PELI2: variants seen among roughly 807,000 people sequenced by gnomAD.
PELI2 encodes E3 ubiquitin-protein ligase pellino homolog 2.
In PELI2, 23 loss-of-function variants were observed where a neutral mutation model predicts 42.3. That is an observed-to-expected ratio of 0.54 (90% CI 0.39 to 0.77). The LOEUF (loss-of-function observed/expected upper bound fraction) is 0.77. Among genes scored for constraint, PELI2 ranks in the 30% least tolerant of loss-of-function variants. The pLI is 0.00. For missense variants in PELI2, 463 were observed against 553.2 expected, an observed-to-expected ratio of 0.84 and a Z score of 1.64; for synonymous variants, 245 against 212.2, an observed-to-expected ratio of 1.15 and a Z score of -1.34.
chr14:56,282,022 C>T (rs2139878658), intron 3 of PELI2, among the ~76,000 whole-genome samples: 1 of 152,232 alleles, frequency 6.6e-6, no homozygotes, highest in East Asian at 1.9e-4. Flanking sequence ...TAGTTTGACT[C>T]AGCTCTTTTC....
intron 1 of PELI2, chr14:56,144,878 G>A (rs536012430): frequency 2.2e-4 from 140 of 638,048 alleles, no homozygotes; most frequent in Non-Finnish European, 2.7e-4. Flanking sequence ...AGGAATAAAA[G>A]GAATAAGGAT....
At chr14:56,144,627 T>C (rs1421251417) in intron 1 of PELI2, among the ~76,000 whole-genome samples, 1 of 152,220 alleles carries the variant, frequency 6.6e-6, no homozygotes, top group Non-Finnish European at 1.5e-5. Context: ...ACACCTAATA[T>C]ATGCATAATA....
intron 1 of PELI2, among the ~76,000 whole-genome samples, chr14:56,146,854 G>C (rs899483573): frequency 6.6e-6 from 1 of 151,666 alleles, no homozygotes; most frequent in African/African-American, 2.4e-5. Context: ...ACAGTTCAGT[G>C]GTTTAGTAAA....
intron 2 of PELI2, among the ~76,000 whole-genome samples, chr14:56,215,015 A>C (rs1340948152): frequency 7.5e-6 from 1 of 133,910 alleles, no homozygotes; most frequent in Non-Finnish European, 1.7e-5. Flanking sequence ...AATTTCACTT[A>C]ATAGTCACAC....
At chr14:56,281,066 T>C (rs1286178277) in intron 3 of PELI2, among the ~76,000 whole-genome samples, 1 of 152,158 alleles carries the variant, frequency 6.6e-6, no homozygotes. Context: ...GTCCCCCTGG[T>C]GGGACTGTGA....
At chr14:56,293,308 T>C (rs2139904108) in intron 5 of PELI2, among the ~76,000 whole-genome samples, 1 of 152,322 alleles carries the variant, frequency 6.6e-6, no homozygotes, top group Non-Finnish European at 1.5e-5. Flanking sequence ...TGCTCATAGC[T>C]TTTCTTTTGT....
chr14:56,287,706 A>G (rs948531323), intron 3 of PELI2, among the ~76,000 whole-genome samples: 1 of 152,220 alleles, frequency 6.6e-6, no homozygotes, highest in Non-Finnish European at 1.5e-5. Flanking sequence ...TTTTAGAGAG[A>G]TAGTCTGTGC....
intron 4 of PELI2, among the ~76,000 whole-genome samples, chr14:56,289,198 T>TA (rs1427870657): frequency 1.3e-5 from 2 of 152,162 alleles, no homozygotes; most frequent in African/African-American, 4.8e-5. Context: ...CAAAATGATC[T>TA]AAAATCAGTG....
Position 56,273,711 on chromosome 14 carries a change from T to G in PELI2, c.208-5965T>G, listed in dbSNP as rs1216409022. ...ACAGTGGCAAGAGAGGGCTCAGGGG[T>G]GACATGAAGTTTTTAAGTGTGAGTG... On this transcript the variant is annotated intron_variant, in intron 2 of 5. Transcript: ENST00000267460. The surrounding 1 kb of genome is among the most constrained non-coding windows in gnomAD (Gnocchi z 4.3). 1.3e-5 allele frequency among the ~76,000 whole-genome samples: 2 copies of G among 152,108 alleles called. No homozygotes were observed. The highest frequency in any genetic ancestry group is 2.9e-5 in the Non-Finnish European group (2 of 68,010).
intron 1 of PELI2, among the ~76,000 whole-genome samples, chr14:56,139,737 G>A (rs1256595410): frequency 6.6e-6 from 1 of 151,774 alleles, no homozygotes; most frequent in Non-Finnish European, 1.5e-5. Context: ...CTGCTATCCA[G>A]TGAGACTCTA....
At chr14:56,177,977 A>G (rs879685292) in intron 1 of PELI2, among the ~76,000 whole-genome samples, 8 of 152,196 alleles carry the variant, frequency 5.3e-5, no homozygotes, top group Non-Finnish European at 7.3e-5. Context: ...TCTCAAGTGT[A>G]TCTCTGGGGT....
intron 2 of PELI2, among the ~76,000 whole-genome samples, chr14:56,208,050 T>C (rs1886581735): frequency 6.6e-6 from 1 of 152,248 alleles, no homozygotes; most frequent in African/African-American, 2.4e-5. Context: ...CATTGGTGCC[T>C]ACATTCAAAG....
chr14:56,230,422 C>G (rs1368270685), intron 2 of PELI2, among the ~76,000 whole-genome samples: 2 of 152,160 alleles, frequency 1.3e-5, no homozygotes, highest in Non-Finnish European at 2.9e-5. Flanking sequence ...CCCTACAAGC[C>G]AGAAGAGAGT....
intron 2 of PELI2, among the ~76,000 whole-genome samples, chr14:56,274,300 C>A (rs1889214200): frequency 2.6e-5 from 4 of 152,172 alleles, no homozygotes; most frequent in Non-Finnish European, 5.9e-5. Flanking sequence ...CCTTATAGAG[C>A]TTGAATTAAA....
intron 2 of PELI2, among the ~76,000 whole-genome samples, chr14:56,232,038 A>T (rs537861463): frequency 6.6e-6 from 1 of 152,204 alleles, no homozygotes; most frequent in South Asian, 2.1e-4. Flanking sequence ...CGACACATAC[A>T]CCCTCCCAAG....
intron 2 of PELI2, among the ~76,000 whole-genome samples, chr14:56,232,503 A>G (rs1360908620): frequency 6.6e-6 from 1 of 152,172 alleles, no homozygotes; most frequent in Non-Finnish European, 1.5e-5. Flanking sequence ...AACCAGAAAC[A>G]AAAAGCACAT....
At chr14:56,222,586 TA>T (rs1176351536) in intron 2 of PELI2, among the ~76,000 whole-genome samples, 1 of 152,216 alleles carries the variant, frequency 6.6e-6, no homozygotes, top group Non-Finnish European at 1.5e-5. Flanking sequence ...TCAAAGGCAA[TA>T]TGAAAATAAT....
intron 1 of PELI2, among the ~76,000 whole-genome samples, chr14:56,125,722 G>A (rs982789535): frequency 2.6e-5 from 4 of 152,256 alleles, no homozygotes; most frequent in African/African-American, 9.6e-5. Context: ...CAAAAACGTG[G>A]TTCTGCCCTC....
intron 2 of PELI2, among the ~76,000 whole-genome samples, chr14:56,251,523 T>C (rs960067654): frequency 1.3e-5 from 2 of 152,216 alleles, no homozygotes; most frequent in Non-Finnish European, 2.9e-5. Context: ...TCGTTATTGT[T>C]ACCCTGTTGG....
Sources: allele counts gnomAD v4.1 joint callset (sites outside exome capture counted in the v4.1 genomes callset), GRCh38; gene constraint gnomAD v4.1.1; non-coding constraint Gnocchi (gnomAD v3.1); transcripts MANE v1.5; gene names NCBI Gene and HGNC (gene_info 2026-07-23, HGNC 2026-07-21).